Variants in PCGF6 observed in about 807,000 individuals in gnomAD.
PCGF6 encodes the protein polycomb group RING finger protein 6.
Under a neutral mutation model 45.5 loss-of-function variants are expected in PCGF6, and 24 were observed. That is an observed-to-expected ratio of 0.53 (90% CI 0.38 to 0.74). The LOEUF is 0.74. PCGF6 is among the 30% of genes least tolerant of loss of function. The pLI is 0.00. For missense variants in PCGF6, 356 were observed against 443.2 expected, an observed-to-expected ratio of 0.80 and a Z score of 1.77; for synonymous variants, 152 against 162.1, an observed-to-expected ratio of 0.94 and a Z score of 0.47.
chr10:103,332,283 A>C (rs2093242931), intron 7 of PCGF6, among the ~76,000 whole-genome samples: 1 of 151,994 alleles, frequency 6.6e-6, no homozygotes, highest in Admixed American at 6.6e-5. Context: ...CTAATACTTT[A>C]TCTTTTCTGT....
intron 6 of PCGF6, among the ~76,000 whole-genome samples, chr10:103,339,544 A>C (rs1434665309): frequency 6.6e-6 from 1 of 151,642 alleles, no homozygotes; most frequent in Non-Finnish European, 1.5e-5. Flanking sequence ...TAATCCCAGC[A>C]CTTTGGGAGG....
chr10:103,340,194 AAAAAAT>A lies in PCGF6; in HGVS notation c.782+4824_782+4829del, dbSNP rs1484424367. Among the ~76,000 whole-genome samples the A allele has an allele frequency of 9.2e-3, 984 of 106,462 alleles. 2 individuals are homozygous for A. The highest frequency in any genetic ancestry group is 0.025 in the Middle Eastern group (6 of 240). 69.8% of individuals were successfully genotyped at this position (106,462 alleles called of 152,430 possible). A position where few individuals can be genotyped will look rare whatever the true frequency, so the allele number is the denominator to read the frequency against. ...TCTGTCTCAGGGAAAAAAAAAAAAA[AAAAAAT>A]ATATATATATATATATATATATTTT... On this transcript the variant is annotated intron_variant, in intron 6 of 9. Transcript: ENST00000369847.
intron 9 of PCGF6, among the ~76,000 whole-genome samples, chr10:103,306,468 T>C (rs946675800): frequency 5.3e-5 from 8 of 152,274 alleles, no homozygotes; most frequent in Admixed American, 2.6e-4. Context: ...GGAAAGGTCA[T>C]TGGGAAATGT....
At chr10:103,316,050 CA>C (rs2093175403) in intron 8 of PCGF6, among the ~76,000 whole-genome samples, 1 of 147,374 alleles carries the variant, frequency 6.8e-6, no homozygotes, top group Non-Finnish European at 1.5e-5. Flanking sequence ...AGAGATATCT[CA>C]CTTAACTGGC....
chr10:103,303,902 T>C lies in PCGF6; in HGVS notation c.*3A>G. ...TTCCCTCCTCATAATGTGCCTAGAATCTTCAAGTTATCTTCAGAGGAGAAA... is the reference window on the plus strand; with the variant it reads ...TTCCCTCCTCATAATGTGCCTAGAACCTTCAAGTTATCTTCAGAGGAGAAA... On this transcript the variant is annotated 3_prime_UTR_variant, in exon 10 of 10. Transcript: ENST00000369847. The C allele has an allele frequency of 2.5e-6, 4 of 1,609,348 alleles. No individual in the cohort carries two copies. The highest frequency in any genetic ancestry group is 3.4e-6 in the Non-Finnish European group (4 of 1,175,830).
chr10:103,350,390 G>A (rs2093316633), intron 1 of PCGF6, among the ~76,000 whole-genome samples: 3 of 152,056 alleles, frequency 2.0e-5, no homozygotes, highest in Admixed American at 2.0e-4. Flanking sequence ...AGTGAGCCAT[G>A]GTCGCGCCAC....
chr10:103,311,526 G>T (rs2093157290), intron 9 of PCGF6, among the ~76,000 whole-genome samples: 1 of 147,202 alleles, frequency 6.8e-6, no homozygotes, highest in Admixed American at 6.8e-5. Context: ...CATTGCAGCT[G>T]CGACCTCCCG....
chr10:103,334,533 ATTTCATATT>A (rs2093249986), intron 6 of PCGF6, among the ~76,000 whole-genome samples: 1 of 152,146 alleles, frequency 6.6e-6, no homozygotes, highest in Admixed American at 6.6e-5. Context: ...GCTTAGTCTA[ATTTCATATT>A]TTTCTTTTAA....
chr10:103,310,728 G>A (rs917925509), intron 9 of PCGF6, among the ~76,000 whole-genome samples: 1 of 151,608 alleles, frequency 6.6e-6, no homozygotes, highest in South Asian at 2.1e-4. Context: ...TTGAAAAAGG[G>A]TCTTACTCTG....
At chr10:103,333,059 C>T (rs1030870241) in intron 7 of PCGF6, among the ~76,000 whole-genome samples, 1 of 149,002 alleles carries the variant, frequency 6.7e-6, no homozygotes, top group African/African-American at 2.5e-5. Context: ...GCGGAAGTTG[C>T]AGTGAGCCAA....
chr10:103,319,111 G>C (rs970310654), intron 8 of PCGF6, among the ~76,000 whole-genome samples: 1 of 152,154 alleles, frequency 6.6e-6, no homozygotes, highest in East Asian at 1.9e-4. Flanking sequence ...TTTTCAATCA[G>C]TGTGCTTTGA....
At chr10:103,309,125 A>G (rs1273202492) in intron 9 of PCGF6, among the ~76,000 whole-genome samples, 1 of 151,446 alleles carries the variant, frequency 6.6e-6, no homozygotes, top group African/African-American at 2.4e-5. Flanking sequence ...AATGCTGAAA[A>G]TGAGTTAAGA....
chr10:103,348,340 GTTT>G (rs113018538), intron 3 of PCGF6: 5 of 145,428 alleles, frequency 3.4e-5, no homozygotes, highest in Non-Finnish European at 6.0e-5. Context: ...GAGTTTTTTT[GTTT>G]TTTTTTTTTT....
rs2093126205 is a variant in PCGF6 at position 103,303,417 on chromosome 10, A to G, written c.*488T>C. ...TACAAGTTCAAAATATGCTGGCAAC[A>G]TACAAAAGTGGCCAATAGTTTTGGT... On this transcript the variant is annotated 3_prime_UTR_variant, in exon 10 of 10. Transcript: ENST00000369847. 6.5e-6 allele frequency: 1 copy of G among 152,912 alleles called. No homozygotes were observed. The highest frequency in any genetic ancestry group is 2.4e-5 in the African/African-American group (1 of 41,462). 9.5% of individuals were successfully genotyped at this position (152,912 alleles called of 1,614,324 possible).
chr10:103,327,311 C>A (rs2093222439), intron 7 of PCGF6, among the ~76,000 whole-genome samples: 1 of 151,636 alleles, frequency 6.6e-6, no homozygotes, highest in Admixed American at 6.6e-5. Flanking sequence ...AACAAAAAAC[C>A]CAAAAAACTG....
chr10:103,344,209 T>C (rs1056886827), intron 6 of PCGF6, among the ~76,000 whole-genome samples: 5 of 151,864 alleles, frequency 3.3e-5, no homozygotes, highest in African/African-American at 1.2e-4. Flanking sequence ...ATGCTACATA[T>C]TGCTTAGGAA....
chr10:103,347,115 A>T, intron 5 of PCGF6, 123 bp downstream of exon 5: 1 of 710,080 alleles, frequency 1.4e-6, no homozygotes, highest in South Asian at 2.0e-5. Context: ...TACACACAGC[A>T]TTACCTTCAA....
At chr10:103,339,651 G>A (rs1159464043) in intron 6 of PCGF6, among the ~76,000 whole-genome samples, 1 of 150,474 alleles carries the variant, frequency 6.6e-6, no homozygotes, top group Non-Finnish European at 1.5e-5. Context: ...TTAGCTGGGT[G>A]TGGAGGAGGG....
intron 6 of PCGF6, among the ~76,000 whole-genome samples, chr10:103,339,438 C>G (rs1441883232): frequency 6.6e-6 from 1 of 151,508 alleles, no homozygotes; most frequent in South Asian, 2.1e-4. Context: ...ACACTGAATA[C>G]CCATCATAAC....
Sources: allele counts gnomAD v4.1 joint callset (sites outside exome capture counted in the v4.1 genomes callset), GRCh38; gene constraint gnomAD v4.1.1; transcripts MANE v1.5; gene names NCBI Gene and HGNC (gene_info 2026-07-23, HGNC 2026-07-21).